PTPRQ: variants seen among roughly 807,000 people sequenced by gnomAD.
PTPRQ encodes phosphatidylinositol phosphatase PTPRQ.
A neutral mutation model predicts 246.0 loss-of-function variants in PTPRQ; 199 were observed. The ratio of observed to expected loss-of-function variants is 0.81; its 90% confidence interval spans 0.72 to 0.91. The LOEUF (loss-of-function observed/expected upper bound fraction) is 0.91. Ranked by LOEUF, PTPRQ falls within the 40% of genes least tolerant of loss-of-function variation. The probability of loss-of-function intolerance (pLI) is 0.00; values close to 1 mark genes in which losing one functional copy is unlikely to be tolerated. For synonymous variants in PTPRQ, 869 were observed against 853.2 expected (o/e 1.02, Z -0.32); for missense variants, 2,624 against 2,528.4 (o/e 1.04, Z -0.81).
intron 14 of PTPRQ, among the ~76,000 whole-genome samples, chr12:80,499,398 G>A (rs1002146747): frequency 2.0e-5 from 3 of 151,990 alleles, no homozygotes; most frequent in South Asian, 2.1e-4. Flanking sequence ...GTTTGCTACT[G>A]TTAAACCACC....
At chr12:80,551,372 A>T (rs939308551) in intron 25 of PTPRQ, among the ~76,000 whole-genome samples, 5 of 152,024 alleles carry the variant, frequency 3.3e-5, no homozygotes, top group African/African-American at 1.2e-4. Context: ...CCCCTTCTCC[A>T]CCTTGGCCAC....
intron 27 of PTPRQ, 137 bp downstream of exon 27, chr12:80,605,317 T>C: frequency 8.9e-7 from 1 of 1,117,382 alleles, no homozygotes; most frequent in South Asian, 1.7e-5. Context: ...TGTTTCAATG[T>C]CTACATCTGT....
At chr12:80,477,034 C>T (rs1048853346) in intron 8 of PTPRQ, among the ~76,000 whole-genome samples, 2 of 151,956 alleles carry the variant, frequency 1.3e-5, no homozygotes, top group Non-Finnish European at 2.9e-5. Context: ...TGTTTTTTGC[C>T]CGTTACTCCT....
intron 9 of PTPRQ, among the ~76,000 whole-genome samples, chr12:80,488,758 C>T (rs963114518): frequency 1.4e-4 from 21 of 151,874 alleles, no homozygotes; most frequent in Non-Finnish European, 4.4e-5. Context: ...TCTCATTACC[C>T]TTATTGAATT....
Position 80,496,312 on chromosome 12 carries a change from A to T in PTPRQ, c.2053A>T (p.Lys685Ter), listed in dbSNP as rs764822457. 6.4e-7 allele frequency: 1 copy of T among 1,550,710 alleles called. No homozygotes were observed. Among genetic ancestry groups the T allele is most frequent in the Admixed American group, 2.0e-5 (1 of 50,924 alleles). Residue 685 changes from lysine (K) to a stop codon, truncating the protein, a stop_gained, in exon 14 of 45, where the codon AAG (lysine) becomes TAG (stop). Transcript: ENST00000644991. LOFTEE classifies it high-confidence loss of function. ...IDVTADEIRL[K>*]WSPPEKPNGI... is the part of the protein sequence containing the mutation. ...TGTTACCGCAGATGAAATAAGGTTGAAGTGGTCACCACCCGAAAAGCCCAA... is the reference window on the plus strand; with the variant it reads ...TGTTACCGCAGATGAAATAAGGTTGTAGTGGTCACCACCCGAAAAGCCCAA...
At chr12:80,572,490 C>T (rs919831449) in intron 25 of PTPRQ, among the ~76,000 whole-genome samples, 13 of 151,990 alleles carry the variant, frequency 8.6e-5, no homozygotes, top group African/African-American at 3.1e-4. Context: ...TTCTTAACTC[C>T]ATGACTTTAT....
In PTPRQ at chr12:80,518,935, C is replaced by T. The variant is rs1442599237; in HGVS notation, c.2678+8492C>T. On this transcript the variant is annotated intron_variant, in intron 17 of 44. Transcript: ENST00000644991. ...CGATTCCTCCAGTTTTTTCTTTTTG[C>T]TTAGGATAGCTTTGTTATTCTGGGT... Among the ~76,000 whole-genome samples, 8 of 151,902 alleles carry T rather than the reference C, an allele frequency of 5.3e-5. No homozygotes were observed. The East Asian group carries it at 1.5e-3, about 29-fold the overall frequency.
chr12:80,616,732 A>G (rs922950541), intron 30 of PTPRQ, among the ~76,000 whole-genome samples: 8 of 151,230 alleles, frequency 5.3e-5, no homozygotes, highest in African/African-American at 1.7e-4. Context: ...TGATTCTGAC[A>G]GTAAAGTAAA....
Position 80,484,445 on chromosome 12 carries a change from T to A in PTPRQ, c.1199T>A (p.Val400Glu). The A allele has an allele frequency of 6.5e-7, 1 of 1,549,700 alleles. No homozygotes were observed. Among genetic ancestry groups the A allele is most frequent in the Non-Finnish European group, 8.7e-7 (1 of 1,146,424 alleles). The change falls in exon 9 of 45, where the codon GTG becomes GAG. Residue 400 changes from valine to glutamate, a missense_variant. Transcript: ENST00000644991. ...CTTTCTTTCTTAGTTCCAGGGGCAGTGTTTGATTTACAACTTGCAGAGGTA... is the reference window on the plus strand; with the variant it reads ...CTTTCTTTCTTAGTTCCAGGGGCAGAGTTTGATTTACAACTTGCAGAGGTA... ...VFTPPDVPGAVFDLQLAEVES... is the reference protein window; with the variant it reads ...VFTPPDVPGAEFDLQLAEVES...
chr12:80,615,446 G>A (rs1288751222), intron 29 of PTPRQ, among the ~76,000 whole-genome samples: 1 of 151,054 alleles, frequency 6.6e-6, no homozygotes, highest in Non-Finnish European at 1.5e-5. Context: ...CAAGAATATA[G>A]TCTCTGTTTA....
intron 25 of PTPRQ, among the ~76,000 whole-genome samples, chr12:80,564,170 C>A (rs1016493008): frequency 2.0e-5 from 3 of 152,042 alleles, no homozygotes; most frequent in Non-Finnish European, 4.4e-5. Flanking sequence ...TATACATGTG[C>A]CATGCTGGTG....
chr12:80,601,288 T>C (rs1898134557), intron 26 of PTPRQ, among the ~76,000 whole-genome samples: 1 of 151,820 alleles, frequency 6.6e-6, no homozygotes, highest in Non-Finnish European at 1.5e-5. Context: ...GGTCTTTGTC[T>C]CTTTGGTTCT....
chr12:80,599,150 G>A (rs1285304705), intron 26 of PTPRQ, among the ~76,000 whole-genome samples: 6 of 151,904 alleles, frequency 3.9e-5, no homozygotes, highest in African/African-American at 1.2e-4. Flanking sequence ...AGATGACCCT[G>A]ACCCACATAA....
chr12:80,466,147 T>C (rs1349517395), intron 6 of PTPRQ, among the ~76,000 whole-genome samples: 15 of 152,088 alleles, frequency 9.9e-5, no homozygotes, highest in African/African-American at 2.7e-4. Context: ...TGATAAGCAA[T>C]TTCAGCAAAG....
intron 20 of PTPRQ, among the ~76,000 whole-genome samples, chr12:80,540,733 A>G (rs1359387163): frequency 1.3e-5 from 2 of 152,260 alleles, no homozygotes; most frequent in South Asian, 4.1e-4. Context: ...CAACATAAAA[A>G]TAAATGATAA....
In PTPRQ at chr12:80,506,579, A is replaced by C; in HGVS notation, c.2466A>C (p.Lys822Asn). 6.5e-7 allele frequency: 1 copy of C among 1,531,884 alleles called. No individual in the cohort carries two copies. The highest frequency in any genetic ancestry group is 1.2e-5 in the South Asian group (1 of 81,652). The allele number at this position is 1,531,884 out of a possible 1,614,324, so 94.9% of individuals were successfully genotyped here. ...TTGATTTCTCTTTAGTACTGAAGAA[A>C]TATACCCAATATATCATTGAGGTGT... ...SLTQNIKVLK[K>N]YTQYIIEVSA... is the part of the protein sequence containing the mutation. The change falls in exon 16 of 45, where the codon AAA (lysine) becomes AAC (asparagine). Residue 822 changes from lysine (K) to asparagine (N), a missense_variant. Lys to Asn is a moderately conservative substitution (Grantham distance 94). Transcript: ENST00000644991.
intron 19 of PTPRQ, among the ~76,000 whole-genome samples, chr12:80,536,690 GT>G (rs1895998053): frequency 1.3e-5 from 2 of 152,188 alleles, no homozygotes; most frequent in Non-Finnish European, 2.9e-5. Context: ...ATGTCACGCA[GT>G]TTTTGCTTTT....
In PTPRQ at chr12:80,472,705, T is replaced by C. The variant is rs1893679190; in HGVS notation, c.1186+454T>C. On this transcript the variant is annotated intron_variant, in intron 8 of 44. Transcript: ENST00000644991. ...AGCAAGTGAAGATTCTGAGTGGATG[T>C]ATGATATAGATTTACCAGCATTTAC... is the stretch of plus-strand genomic sequence containing the variant. Among the ~76,000 whole-genome samples the C allele has an allele frequency of 2.0e-5, 3 of 152,354 alleles. No homozygotes were observed. The South Asian group carries it at 6.2e-4, about 32-fold the overall frequency.
At position 80,549,501 on chromosome 12, in the gene PTPRQ, C is replaced by T; in HGVS notation, c.4052C>T (p.Thr1351Ile). 1.3e-6 allele frequency: 2 copies of T among 1,550,724 alleles called. No homozygotes were observed. The highest frequency in any genetic ancestry group is 8.7e-7 in the Non-Finnish European group (1 of 1,146,412). Reference sequence around the variant, plus strand: ...GTGCAGAATATGCAGTGCATGGCAACTAGCTGGCAGTCAGTTTTAGTGAAA... The same window carrying T: ...GTGCAGAATATGCAGTGCATGGCAATTAGCTGGCAGTCAGTTTTAGTGAAA... ...DVVQNMQCMA[T>I]SWQSVLVKWD... Residue 1351 changes from threonine to isoleucine, a missense_variant, in exon 25 of 45, where the codon ACT becomes ATT. Transcript: ENST00000644991.
Sources: gnomAD v4.1 joint callset for allele counts (sites outside exome capture counted in the v4.1 genomes callset) on GRCh38, gnomAD v4.1.1 for gene constraint, MANE v1.5 for transcripts, NCBI Gene and HGNC (gene_info 2026-07-23, HGNC 2026-07-21) for gene names.